Variants in NCOA2 observed in about 807,000 individuals in gnomAD.
NCOA2 encodes the protein nuclear receptor coactivator 2.
NCOA2 carries 21 observed loss-of-function variants against 145.1 expected under a neutral mutation model. The observed-to-expected ratio is 0.14, with a 90% confidence interval of 0.10 to 0.21. The LOEUF (loss-of-function observed/expected upper bound fraction) is 0.21, where lower values mean the gene tolerates loss of function less well. Among genes scored for constraint, NCOA2 ranks in the 10% least tolerant of loss-of-function variants. NCOA2 has a pLI of 1.00. For synonymous variants in NCOA2, 619 were observed against 637.5 expected, an observed-to-expected ratio of 0.97 and a Z score of 0.44; for missense variants, 1,472 against 1,837.6, an observed-to-expected ratio of 0.80 and a Z score of 3.64.
chr8:70,248,066 A>G lies in NCOA2; in HGVS notation c.-19-31302T>C, dbSNP rs564031957. On this transcript the variant is annotated intron_variant, in intron 2 of 22. Transcript: ENST00000452400. Reference sequence around the variant, plus strand: ...TCTTCACCAAGGCAGTAGTGTTTACAAGGGAATTAGACTAGATAATTTGTC... The same window carrying G: ...TCTTCACCAAGGCAGTAGTGTTTACGAGGGAATTAGACTAGATAATTTGTC... 3.7e-4 allele frequency among the ~76,000 whole-genome samples: 57 copies of G among 152,344 alleles called. No homozygotes were observed. In the South Asian group the frequency reaches 0.011, roughly 29 times the overall value.
chr8:70,370,033 G>A (rs1267323004), intron 1 of NCOA2, among the ~76,000 whole-genome samples: 3 of 151,988 alleles, frequency 2.0e-5, no homozygotes, highest in Non-Finnish European at 4.4e-5. Context: ...CCACAGGGGT[G>A]TGCCACCACA....
rs113508620 is a variant in NCOA2 at position 70,149,523 on chromosome 8, G to C, written c.2395-1040C>G. ...CCCAAAGTGCTGGGATTACAGGAGAGAGCCACCGTGCCTGTCTACAGAAGC... is the reference window on the plus strand; with the variant it reads ...CCCAAAGTGCTGGGATTACAGGAGACAGCCACCGTGCCTGTCTACAGAAGC... On this transcript the variant is annotated intron_variant, in intron 11 of 22. Coordinates refer to ENST00000452400, the MANE Select transcript of NCOA2 (RefSeq NM_006540.4). 2.7e-3 allele frequency among the ~76,000 whole-genome samples: 409 copies of C among 150,680 alleles called. 5 individuals carry two copies. Among genetic ancestry groups the C allele is most frequent in the African/African-American group, 9.7e-3 (397 of 41,040 alleles).
chr8:70,188,266 C>T (rs994398669), intron 4 of NCOA2, among the ~76,000 whole-genome samples: 3 of 152,176 alleles, frequency 2.0e-5, no homozygotes, highest in Non-Finnish European at 4.4e-5. Flanking sequence ...ATTACATCAA[C>T]GGACAGTGGG....
chr8:70,153,804 G>C (rs1464603878), intron 11 of NCOA2, among the ~76,000 whole-genome samples: 1 of 152,192 alleles, frequency 6.6e-6, no homozygotes, highest in East Asian at 1.9e-4. Context: ...CCCATTTAAT[G>C]ATTTTACAGT....
upstream of NCOA2, among the ~76,000 whole-genome samples, chr8:70,405,513 A>G (rs550546529): frequency 1.7e-4 from 20 of 118,536 alleles, no homozygotes; most frequent in Admixed American, 1.4e-3. Flanking sequence ...GTTGAGAGGA[A>G]ATGGAGAGTT....
intron 1 of NCOA2, among the ~76,000 whole-genome samples, chr8:70,320,696 A>G (rs1044006912): frequency 2.0e-5 from 3 of 152,186 alleles, no homozygotes; most frequent in Non-Finnish European, 4.4e-5. Context: ...TATATATCAA[A>G]ATACACTAAC....
intron 1 of NCOA2, among the ~76,000 whole-genome samples, chr8:70,342,026 A>G (rs1273165068): frequency 1.3e-5 from 2 of 152,196 alleles, no homozygotes; most frequent in African/African-American, 2.4e-5. Flanking sequence ...AAACTTTTAA[A>G]AAATGCTGCT....
intron 1 of NCOA2, among the ~76,000 whole-genome samples, chr8:70,374,036 A>G (rs1811449710): frequency 6.6e-6 from 1 of 152,228 alleles, no homozygotes; most frequent in Non-Finnish European, 1.5e-5. Context: ...GTCAATTTCT[A>G]TAATTTTTCA....
intron 2 of NCOA2, among the ~76,000 whole-genome samples, chr8:70,252,660 T>C (rs190220034): frequency 6.2e-4 from 94 of 152,310 alleles, no homozygotes; most frequent in Non-Finnish European, 9.3e-4. Flanking sequence ...GGCTCCTCAA[T>C]GCATCAAGTA....
chr8:70,263,485 G>A (rs2135110490), intron 2 of NCOA2, among the ~76,000 whole-genome samples: 1 of 152,018 alleles, frequency 6.6e-6, no homozygotes, highest in South Asian at 2.1e-4. Context: ...TCCAAAAAAG[G>A]TCATCTTTTT....
intron 2 of NCOA2, among the ~76,000 whole-genome samples, chr8:70,287,494 AT>A (rs34107233): frequency 1.3e-5 from 2 of 152,260 alleles, no homozygotes; most frequent in South Asian, 4.1e-4. Context: ...CTTTTTAAGA[AT>A]TTTTTTACTG....
chr8:70,147,225 C>T (rs1395067621), intron 12 of NCOA2, among the ~76,000 whole-genome samples: 3 of 151,814 alleles, frequency 2.0e-5, no homozygotes, highest in Non-Finnish European at 2.9e-5. Flanking sequence ...CTCCGCCTCC[C>T]GGGTTCAACC....
At chr8:70,144,955 T>C in intron 12 of NCOA2, 107 bp from the exon 13 acceptor site, 1 of 988,484 alleles carries the variant, frequency 1.0e-6, no homozygotes, top group Non-Finnish European at 1.5e-6. Flanking sequence ...GGTATGTATG[T>C]CAGGGACCAA....
At chr8:70,341,472 G>A (rs1391748150) in intron 1 of NCOA2, among the ~76,000 whole-genome samples, 5 of 152,184 alleles carry the variant, frequency 3.3e-5, no homozygotes, top group African/African-American at 1.2e-4. Context: ...ATGAAGTCTT[G>A]CTGCCTCAAC....
At chr8:70,140,911 T>C (rs574414264) in intron 14 of NCOA2, among the ~76,000 whole-genome samples, 3 of 152,204 alleles carry the variant, frequency 2.0e-5, no homozygotes, top group Admixed American at 6.5e-5. Flanking sequence ...TCTTTATTAA[T>C]AGTGTGACAT....
At chr8:70,213,543 G>C (rs1245048842) in intron 4 of NCOA2, among the ~76,000 whole-genome samples, 1 of 152,094 alleles carries the variant, frequency 6.6e-6, no homozygotes, top group East Asian at 1.9e-4. Flanking sequence ...CTTACTTCTG[G>C]TTTACATCTC....
intron 1 of NCOA2, among the ~76,000 whole-genome samples, chr8:70,355,677 G>T (rs1240125874): frequency 6.6e-6 from 1 of 151,894 alleles, no homozygotes; most frequent in African/African-American, 2.4e-5. Flanking sequence ...CAAAAGATTG[G>T]ACACCCCTGC....
At position 70,126,866 on chromosome 8, in the gene NCOA2, T is replaced by C. The variant is rs1479127019; in HGVS notation, c.3863A>G (p.Asn1288Ser). The C allele has an allele frequency of 1.2e-6, 2 of 1,613,958 alleles. No individual in the cohort carries two copies. The highest frequency in any genetic ancestry group is 1.1e-5 in the South Asian group (1 of 91,074). The change falls in exon 19 of 23, where the codon AAC (asparagine) becomes AGC (serine). Residue 1288 changes from asparagine to serine, a missense_variant. By Grantham distance (46) the Asn-to-Ser change is conservative. This residue lies in a region of NCOA2 where 232 missense variants were observed against 290.6 expected (regional missense o/e 0.80). Transcript: ENST00000452400. Reference protein sequence around the residue: ...APSGMPATMSNPRIPQANAQQ... With the variant: ...APSGMPATMSSPRIPQANAQQ... ...TGCATTTGCCTGGGGAATCCGAGGGTTGCTCATAGTTGCTGGCATACCACT... is the reference window on the plus strand; with the variant it reads ...TGCATTTGCCTGGGGAATCCGAGGGCTGCTCATAGTTGCTGGCATACCACT...
intron 1 of NCOA2, among the ~76,000 whole-genome samples, chr8:70,398,393 A>AG (rs1382637252): frequency 6.6e-6 from 1 of 152,190 alleles, no homozygotes; most frequent in Non-Finnish European, 1.5e-5. Context: ...TAGGAGGTCA[A>AG]GGCTATACAG....
Sources: allele counts gnomAD v4.1 joint callset (sites outside exome capture counted in the v4.1 genomes callset), GRCh38; gene constraint gnomAD v4.1.1; regional missense constraint gnomAD v4.1.1; transcripts MANE v1.5; gene names NCBI Gene and HGNC (gene_info 2026-07-23, HGNC 2026-07-21).